NEK5: variants seen among roughly 807,000 people sequenced by gnomAD.
NEK5 encodes the protein NIMA related kinase 5, also known as serine/threonine-protein kinase Nek5.
A neutral mutation model predicts 109.2 loss-of-function variants in NEK5; 88 were observed. That is an observed-to-expected ratio of 0.81 (90% CI 0.68 to 0.96). The LOEUF (loss-of-function observed/expected upper bound fraction) is 0.96, where lower values mean the gene tolerates loss of function less well. Among genes scored for constraint, NEK5 ranks in the 40% least tolerant of loss-of-function variants. NEK5 has a pLI of 0.00. For missense variants in NEK5, 834 were observed against 920.7 expected (o/e 0.91, Z 1.22); for synonymous variants, 283 against 299.9 (o/e 0.94, Z 0.58).
chr13:52,044,107 T>G (rs943711548), intron 23 of NEK5, among the ~76,000 whole-genome samples: 3 of 152,216 alleles, frequency 2.0e-5, no homozygotes, highest in African/African-American at 7.2e-5. Flanking sequence ...AAAGAGAGAC[T>G]GGCCTAGCTT....
At position 52,124,866 on chromosome 13, in the gene NEK5, T is replaced by C. The variant is rs73500164; in HGVS notation, c.117+2500A>G. Among the ~76,000 whole-genome samples, 123 of 152,274 alleles carry C rather than the reference T, an allele frequency of 8.1e-4. 3 individuals are homozygous for C. In the East Asian group the frequency reaches 0.023, roughly 28 times the overall value. ...GTTTGGGGGCATGGCTGGAGCATTA[T>C]CAAAATTGGGCTGGAGCCACTTGAA... On this transcript the variant is annotated intron_variant, in intron 3 of 23. Coordinates refer to ENST00000684899, the MANE Select transcript of NEK5 (RefSeq NM_001365552.1).
rs1162761807 is a variant in NEK5 at position 52,033,897 on chromosome 13, AAC to A, written c.*3049_*3050del. Reference sequence around the variant, plus strand: ...AGTTAATTATATAACTACAACACGAAACACAAATTTTTAGAAGCAAATTATGT... The same window carrying A: ...AGTTAATTATATAACTACAACACGAAACAAATTTTTAGAAGCAAATTATGT... On this transcript the variant is annotated 3_prime_UTR_variant, in exon 24 of 24. Transcript: ENST00000684899. 2 of 152,224 alleles carry A rather than the reference AAC, an allele frequency of 1.3e-5. No homozygotes were observed. Among genetic ancestry groups the A allele is most frequent in the Non-Finnish European group, 2.9e-5 (2 of 68,032 alleles). 9.4% of individuals were successfully genotyped at this position (152,224 alleles called of 1,614,324 possible).
chr13:52,098,533 A>G (rs1955466620), intron 12 of NEK5, among the ~76,000 whole-genome samples: 1 of 152,128 alleles, frequency 6.6e-6, no homozygotes, highest in South Asian at 2.1e-4. Context: ...AGTATGACCT[A>G]AAAGATTCAA....
At chr13:52,094,457 G>C (rs768722200) in intron 12 of NEK5, among the ~76,000 whole-genome samples, 2 of 152,124 alleles carry the variant, frequency 1.3e-5, no homozygotes, top group Non-Finnish European at 2.9e-5. Flanking sequence ...CTGCTATATG[G>C]TTCACATATA....
chr13:52,083,579 C>G (rs1462068327), intron 16 of NEK5, among the ~76,000 whole-genome samples: 1 of 151,912 alleles, frequency 6.6e-6, no homozygotes, highest in Non-Finnish European at 1.5e-5. Context: ...CTCTGTCACC[C>G]AGGCTGGAGT....
rs200804141 is a variant in NEK5 at position 52,119,426 on chromosome 13, T to C, written c.118-11A>G. ...TTCTTGTATGGGCATCTAAATTACA[T>C]TAAGAGACAGAGTAGTCTATAAAGC... is the stretch of plus-strand genomic sequence containing the variant. On this transcript the variant is annotated splice_polypyrimidine_tract_variant and intron_variant, in intron 3 of 23. Transcript: ENST00000684899. 8.4e-6 allele frequency: 12 copies of C among 1,432,902 alleles called. No individual in the cohort carries two copies. The East Asian group carries it at 2.7e-4, about 33-fold the overall frequency. The allele number at this position is 1,432,902 out of a possible 1,614,324, so 88.8% of individuals were successfully genotyped here. A position where few individuals can be genotyped will look rare whatever the true frequency, so the allele number is the denominator to read the frequency against.
At chr13:52,081,394 A>ATAT (rs1289484568) in intron 17 of NEK5, among the ~76,000 whole-genome samples, 1 of 152,076 alleles carries the variant, frequency 6.6e-6, no homozygotes, top group African/African-American at 2.4e-5. Context: ...GGGTCTCACT[A>ATAT]TATTACCAAG....
chr13:52,088,216 A>ACCGCACCTGGCCCC, intron 14 of NEK5, among the ~76,000 whole-genome samples: 2 of 151,900 alleles, frequency 1.3e-5, no homozygotes, highest in South Asian at 2.1e-4. Flanking sequence ...GGCATGAGCC[A>ACCGCACCTGGCCCC]TAATATCTGG....
At chr13:52,063,983 T>G (rs1954641057) in intron 21 of NEK5, among the ~76,000 whole-genome samples, 2 of 99,828 alleles carry the variant, frequency 2.0e-5, no homozygotes, top group Non-Finnish European at 4.2e-5. Flanking sequence ...AGCCACCCCG[T>G]CCGGGAGGGA....
Position 52,110,494 on chromosome 13 carries a change from C to G in NEK5, c.396G>C (p.Gln132His). The G allele has an allele frequency of 6.2e-7, 1 of 1,610,512 alleles. No homozygotes were observed. The highest frequency in any genetic ancestry group is 8.5e-7 in the Non-Finnish European group (1 of 1,176,962). Residue 132 changes from glutamine (Q) to histidine (H), a missense_variant and splice_region_variant, in exon 6 of 24, where the codon CAG becomes CAC. Transcript: ENST00000684899. Reference sequence around the variant, plus strand: ...CTTAGTCTTCTCTCTGAGCTGTTACCTGAGCTTTTATGTCCCTGTGTAATA... The same window carrying G: ...CTTAGTCTTCTCTCTGAGCTGTTACGTGAGCTTTTATGTCCCTGTGTAATA... The part of the protein sequence containing the change: ...RKILHRDIKA[Q>H]NIFLSKNGMV...
At chr13:52,061,755 C>T in intron 22 of NEK5, 64 bp downstream of exon 22, 3 of 667,278 alleles carry the variant, frequency 4.5e-6, no homozygotes, top group Non-Finnish European at 5.6e-6. Flanking sequence ...CCCCTTTCAG[C>T]ATTTGCAAGT....
intron 9 of NEK5, 25 bp from the exon 10 acceptor site, chr13:52,102,317 C>A (rs1172490703): frequency 6.4e-7 from 1 of 1,561,270 alleles, no homozygotes; most frequent in Non-Finnish European, 8.8e-7. Context: ...AGAAATGACA[C>A]TAAATCAGAG....
intron 4 of NEK5, among the ~76,000 whole-genome samples, chr13:52,117,517 T>C (rs1205866016): frequency 6.6e-6 from 1 of 152,172 alleles, no homozygotes; most frequent in Non-Finnish European, 1.5e-5. Flanking sequence ...ACTGTAAAAA[T>C]GACCTTAGTT....
intron 21 of NEK5, among the ~76,000 whole-genome samples, chr13:52,064,577 T>C (rs1333231730): frequency 6.9e-6 from 1 of 144,458 alleles, no homozygotes; most frequent in Non-Finnish European, 1.5e-5. Flanking sequence ...CCTACTGGGA[T>C]GTGAGGAGCC....
At chr13:52,038,321 C>T (rs894954016) in intron 23 of NEK5, among the ~76,000 whole-genome samples, 5 of 151,462 alleles carry the variant, frequency 3.3e-5, no homozygotes, top group African/African-American at 1.2e-4. Context: ...GACTCCATCT[C>T]AAAACAAAAC....
At chr13:52,086,698 G>C (rs1955150435) in intron 15 of NEK5, among the ~76,000 whole-genome samples, 1 of 152,126 alleles carries the variant, frequency 6.6e-6, no homozygotes, top group Non-Finnish European at 1.5e-5. Context: ...AACCCCCAGT[G>C]CCTTAGAATG....
intron 17 of NEK5, among the ~76,000 whole-genome samples, chr13:52,080,215 G>T (rs1272768421): frequency 1.8e-5 from 2 of 109,610 alleles, no homozygotes; most frequent in South Asian, 2.8e-4. Context: ...GGAGGGAGGT[G>T]GGGGGGGGTC....
chr13:52,055,236 G>A (rs961559904), intron 22 of NEK5, among the ~76,000 whole-genome samples: 3 of 152,024 alleles, frequency 2.0e-5, no homozygotes, highest in Admixed American at 6.6e-5. Context: ...AAGCAAGAAG[G>A]GAAGTTTAGA....
At chr13:52,092,355 G>T (rs1955303649) in intron 13 of NEK5, among the ~76,000 whole-genome samples, 1 of 151,860 alleles carries the variant, frequency 6.6e-6, no homozygotes, top group Admixed American at 6.6e-5. Flanking sequence ...ATAAGCTTGA[G>T]ATGTCAACAG....
Sources: gnomAD v4.1 joint callset for allele counts (sites outside exome capture counted in the v4.1 genomes callset) on GRCh38, gnomAD v4.1.1 for gene constraint, MANE v1.5 for transcripts, NCBI Gene and HGNC (gene_info 2026-07-23, HGNC 2026-07-21) for gene names.